CCDC7: variants seen among roughly 807,000 people sequenced by gnomAD.
CCDC7 encodes the protein coiled-coil domain-containing protein 7.
CCDC7 carries 183 observed loss-of-function variants against 196.9 expected under a neutral mutation model. The observed-to-expected ratio is 0.93, with a 90% confidence interval of 0.82 to 1.05. The LOEUF (loss-of-function observed/expected upper bound fraction) is 1.05. Among genes scored for constraint, CCDC7 ranks in the 50% least tolerant of loss-of-function variants. The pLI, the probability that CCDC7 is intolerant of heterozygous loss-of-function variation, is 0.00. For synonymous variants in CCDC7, 525 were observed against 484.6 expected (o/e 1.08, Z -1.10); for missense variants, 1,540 against 1,482.2 (o/e 1.04, Z -0.64).
intron 20 of CCDC7, among the ~76,000 whole-genome samples, chr10:32,656,466 C>A (rs2069889173): frequency 6.6e-6 from 1 of 152,200 alleles, no homozygotes; most frequent in Non-Finnish European, 1.5e-5. Context: ...AACTTACAAT[C>A]ATGGCAGAAG....
chr10:32,780,402 A>G (rs2080855283), intron 29 of CCDC7, among the ~76,000 whole-genome samples: 1 of 152,212 alleles, frequency 6.6e-6, no homozygotes, highest in Non-Finnish European at 1.5e-5. Flanking sequence ...TGTATCTATA[A>G]TACTCAAAAG....
intron 18 of CCDC7, among the ~76,000 whole-genome samples, chr10:32,595,616 T>C (rs1157499739): frequency 6.6e-6 from 1 of 152,210 alleles, no homozygotes; most frequent in Non-Finnish European, 1.5e-5. Context: ...GCTTCTCTAG[T>C]TCTTTTAATT....
chr10:32,461,691 ATGTG>A (rs200853278), intron 3 of CCDC7, among the ~76,000 whole-genome samples: 16,452 of 106,342 alleles, frequency 0.15, 1,637 homozygotes, highest in East Asian at 0.37. Context: ...CCTTACATAT[ATGTG>A]TGTGTGTGTG....
intron 28 of CCDC7, among the ~76,000 whole-genome samples, chr10:32,735,677 G>A (rs747778248): frequency 6.6e-6 from 1 of 152,008 alleles, no homozygotes; most frequent in African/African-American, 2.4e-5. Flanking sequence ...TTTTATTTTA[G>A]TAAGTACAAC....
At chr10:32,470,342 T>G (rs1343726172) in intron 5 of CCDC7, among the ~76,000 whole-genome samples, 1 of 152,172 alleles carries the variant, frequency 6.6e-6, no homozygotes, top group Non-Finnish European at 1.5e-5. Context: ...CATTTTCCTA[T>G]CAAAACTTGC....
chr10:32,803,293 T>G (rs2085167471), intron 29 of CCDC7, among the ~76,000 whole-genome samples: 1 of 152,208 alleles, frequency 6.6e-6, no homozygotes, highest in Non-Finnish European at 1.5e-5. Context: ...TTAATGTTTC[T>G]TTGTTGATTT....
Position 32,672,587 on chromosome 10 carries a change from T to A in CCDC7, c.2122+8426T>A, listed in dbSNP as rs1046247837. ...AGGAGTGTACAGACACATCACCCTT[T>A]CTGGGGTTTCCTGGTGGGGATGGCT... On this transcript the variant is annotated intron_variant, in intron 21 of 41. Transcript: ENST00000639629. Among the ~76,000 whole-genome samples, 3 of 152,142 alleles carry A rather than the reference T, an allele frequency of 2.0e-5. No homozygotes were observed. In the East Asian group the frequency reaches 5.8e-4, roughly 29 times the overall value.
At chr10:32,712,489 CT>C (rs1299765460) in intron 25 of CCDC7, among the ~76,000 whole-genome samples, 1 of 152,116 alleles carries the variant, frequency 6.6e-6, no homozygotes, top group Non-Finnish European at 1.5e-5. Context: ...CATCTGGTTC[CT>C]TTTGGGTAGT....
At chr10:32,828,503 A>AGAGGAAGAGGAAGAGGAAGAG (rs2091675835) in intron 32 of CCDC7, among the ~76,000 whole-genome samples, 1 of 120,972 alleles carries the variant, frequency 8.3e-6, no homozygotes, top group African/African-American at 3.1e-5. Flanking sequence ...AAGAAGAAGA[A>AGAGGAAGAGGAAGAGGAAGAG]GAAGAAGAAG....
At chr10:32,567,410 T>C (rs1234907574) in intron 14 of CCDC7, among the ~76,000 whole-genome samples, 1 of 152,010 alleles carries the variant, frequency 6.6e-6, no homozygotes, top group Admixed American at 6.6e-5. Context: ...AATTAGAGCC[T>C]TAAAAATAAC....
intron 13 of CCDC7, among the ~76,000 whole-genome samples, chr10:32,548,409 C>A (rs1589754414): frequency 1.3e-5 from 2 of 152,196 alleles, no homozygotes; most frequent in Middle Eastern, 6.8e-3. Flanking sequence ...AGGGGTGACT[C>A]AAGACGTAGC....
chr10:32,865,355 G>A (rs2094163037), intron 41 of CCDC7, among the ~76,000 whole-genome samples: 1 of 151,310 alleles, frequency 6.6e-6, no homozygotes, highest in African/African-American at 2.4e-5. Flanking sequence ...TTCACCATTA[G>A]TCATCAGTGA....
upstream of CCDC7, among the ~76,000 whole-genome samples, chr10:32,450,738 C>G (rs1424171714): frequency 6.6e-6 from 1 of 152,134 alleles, no homozygotes; most frequent in African/African-American, 2.4e-5. Flanking sequence ...GCCAAGGCTA[C>G]TGCTCCTGTG....
chr10:32,760,536 A>G (rs1249648443), intron 28 of CCDC7, among the ~76,000 whole-genome samples: 4 of 152,178 alleles, frequency 2.6e-5, no homozygotes, highest in Non-Finnish European at 5.9e-5. Context: ...ATAGGTGGGA[A>G]TTGAACAATG....
At chr10:32,503,022 G>T (rs1431075952) in intron 9 of CCDC7, among the ~76,000 whole-genome samples, 4 of 151,994 alleles carry the variant, frequency 2.6e-5, no homozygotes, top group African/African-American at 9.7e-5. Flanking sequence ...AACTTTGTTG[G>T]ATTCATTTGT....
rs758917598 is a variant in CCDC7, at chr10:32,845,908, G to A, written c.3553G>A (p.Gly1185Arg). 3.7e-6 allele frequency: 6 copies of A among 1,612,150 alleles called. No homozygotes were observed. The South Asian group carries it at 6.6e-5, about 18-fold the overall frequency. ...TAAGGAATTCTTGGCAGATGCTATT[G>A]GAAGAGGTATAATAATAGGGCCAAT... Residue 1185 changes from glycine to arginine, a missense_variant, in exon 36 of 42, where the codon GGA (glycine) becomes AGA (arginine). Physicochemically the swap from Gly to Arg is moderately radical, Grantham distance 125. Transcript: ENST00000639629.
At chr10:32,443,490 C>T (rs2030460949), upstream of CCDC7, among the ~76,000 whole-genome samples, 1 of 152,132 alleles carries the variant, frequency 6.6e-6, no homozygotes, top group African/African-American at 2.4e-5. Context: ...AATTAACTTT[C>T]AGGTATGGCA....
At chr10:32,658,995 G>GT (rs1406286625) in intron 20 of CCDC7, among the ~76,000 whole-genome samples, 2 of 149,134 alleles carry the variant, frequency 1.3e-5, no homozygotes, top group African/African-American at 2.4e-5. Context: ...TCTTAGTTTT[G>GT]TTGACCATTT....
At chr10:32,638,900 A>C (rs181282569) in intron 20 of CCDC7, among the ~76,000 whole-genome samples, 6 of 152,178 alleles carry the variant, frequency 3.9e-5, no homozygotes, top group Admixed American at 3.9e-4. Flanking sequence ...TATTGCCTCT[A>C]TTTCAGAGCC....
Sources: gnomAD v4.1 joint callset for allele counts (sites outside exome capture counted in the v4.1 genomes callset) on GRCh38, gnomAD v4.1.1 for gene constraint, MANE v1.5 for transcripts, NCBI Gene and HGNC (gene_info 2026-07-23, HGNC 2026-07-21) for gene names.